ROBO2: variants seen among roughly 807,000 people sequenced by gnomAD.
ROBO2 encodes the protein roundabout homolog 2.
ROBO2 carries 53 observed loss-of-function variants against 160.8 expected under a neutral mutation model. The ratio of observed to expected loss-of-function variants is 0.33; its 90% CI spans 0.26 to 0.41. ROBO2 has a LOEUF of 0.41. Ranked by LOEUF, ROBO2 falls within the 10% of genes least tolerant of loss-of-function variation. The pLI is 1.00. For missense variants in ROBO2, 1,577 were observed against 1,722.4 expected (o/e 0.92, Z 1.49); for synonymous variants, 664 against 611.7 (o/e 1.09, Z -1.26).
intron 5 of ROBO2, among the ~76,000 whole-genome samples, chr3:77,493,967 T>G (rs1323173779): frequency 6.6e-6 from 1 of 152,150 alleles, no homozygotes; most frequent in Non-Finnish European, 1.5e-5. Flanking sequence ...CATCTCCTTC[T>G]TATTGTTCTT....
At chr3:77,441,421 C>T in intron 2 of ROBO2, among the ~76,000 whole-genome samples, 1 of 151,592 alleles carries the variant, frequency 6.6e-6, no homozygotes, top group South Asian at 2.1e-4. Context: ...TTAAAATATT[C>T]ATAAAATAAT....
At chr3:76,142,720 G>T (rs1329089015) in intron 2 of ROBO2, among the ~76,000 whole-genome samples, 1 of 151,898 alleles carries the variant, frequency 6.6e-6, no homozygotes, top group African/African-American at 2.4e-5. Flanking sequence ...TAGAAAGCAT[G>T]AATAAGACCT....
At position 76,138,730 on chromosome 3, in the gene ROBO2, A is replaced by G. The variant is rs534098396; in HGVS notation, c.109+201128A>G. ...TTATTTGTAGTATTACAGTGAAATC[A>G]TGTAAGAACTTTGACAGCTCATCCT... On this transcript the variant is annotated intron_variant, in intron 2 of 26. Transcript: ENST00000487694. 1.2e-4 allele frequency among the ~76,000 whole-genome samples: 18 copies of G among 152,230 alleles called. 1 individual carries two copies. The highest frequency in any genetic ancestry group is 4.3e-4 in the African/African-American group (18 of 41,570).
At chr3:77,572,731 T>C (rs1033329661) in intron 13 of ROBO2, among the ~76,000 whole-genome samples, 1 of 151,964 alleles carries the variant, frequency 6.6e-6, no homozygotes, top group Non-Finnish European at 1.5e-5. Context: ...TTCCACTGTA[T>C]TTTTATTGAG....
At position 76,286,455 on chromosome 3, in the gene ROBO2, T is replaced by A. The variant is rs113699186; in HGVS notation, c.109+348853T>A. Among the ~76,000 whole-genome samples the A allele has an allele frequency of 3.1e-4, 47 of 152,272 alleles. 1 individual carries two copies. Among genetic ancestry groups the A allele is most frequent in the African/African-American group, 8.4e-4 (35 of 41,576 alleles). On this transcript the variant is annotated intron_variant, in intron 2 of 26. Transcript: ENST00000487694. ...TCCTATCAATTGTGTAGAAGATGCATAATCATTGAAGAATGATAAAAAAAG... is the reference window on the plus strand; with the variant it reads ...TCCTATCAATTGTGTAGAAGATGCAAAATCATTGAAGAATGATAAAAAAAG...
intron 2 of ROBO2, among the ~76,000 whole-genome samples, chr3:75,992,669 C>T (rs2065607813): frequency 6.6e-6 from 1 of 152,180 alleles, no homozygotes; most frequent in South Asian, 2.1e-4. Context: ...TCCTCCAGAA[C>T]TCAGAATGGT....
chr3:76,886,630 A>G (rs76302689), intron 2 of ROBO2, among the ~76,000 whole-genome samples: 1,886 of 152,170 alleles, frequency 0.012, 27 homozygotes, highest in Non-Finnish European at 0.019. Flanking sequence ...AAGCAAATAG[A>G]AGTTGGCAAG....
intron 2 of ROBO2, among the ~76,000 whole-genome samples, chr3:76,031,027 T>C (rs1410801626): frequency 6.6e-6 from 1 of 152,200 alleles, no homozygotes; most frequent in East Asian, 1.9e-4. Context: ...TTTGTTTGTG[T>C]CCTCTTTTAT....
intron 2 of ROBO2, among the ~76,000 whole-genome samples, chr3:76,466,955 T>C (rs1357139501): frequency 6.6e-6 from 1 of 152,056 alleles, no homozygotes; most frequent in Non-Finnish European, 1.5e-5. Flanking sequence ...CATGCTGACA[T>C]GTCATGATGA....
chr3:75,917,931 T>C (rs1329606720), intron 1 of ROBO2, among the ~76,000 whole-genome samples: 1 of 152,196 alleles, frequency 6.6e-6, no homozygotes, highest in African/African-American at 2.4e-5. Context: ...TTCTGGATAT[T>C]AGACCTTTGT....
chr3:76,212,600 CATTT>C (rs1469484288), intron 2 of ROBO2, among the ~76,000 whole-genome samples: 2 of 152,046 alleles, frequency 1.3e-5, no homozygotes, highest in Admixed American at 6.6e-5. Flanking sequence ...AAAATAGTGT[CATTT>C]ATTATGCAAT....
intron 3 of ROBO2, 115 bp downstream of exon 3, chr3:77,477,686 C>A: frequency 1.9e-6 from 2 of 1,076,432 alleles, no homozygotes; most frequent in Non-Finnish European, 1.4e-6. Flanking sequence ...ATGTTAATTA[C>A]AATTTATACT....
chr3:77,174,003 T>G (rs2079889057), intron 2 of ROBO2, among the ~76,000 whole-genome samples: 1 of 152,098 alleles, frequency 6.6e-6, no homozygotes, highest in Non-Finnish European at 1.5e-5. Flanking sequence ...TTTCATTTCT[T>G]GACCCCAACG....
intron 2 of ROBO2, among the ~76,000 whole-genome samples, chr3:76,326,843 C>T (rs1429917981): frequency 7.1e-6 from 1 of 140,414 alleles, no homozygotes; most frequent in Non-Finnish European, 1.5e-5. Context: ...TTGTTCAATT[C>T]CCACCTATGA....
chr3:76,745,471 T>G (rs1205450397), intron 2 of ROBO2, among the ~76,000 whole-genome samples: 1 of 152,114 alleles, frequency 6.6e-6, no homozygotes, highest in Non-Finnish European at 1.5e-5. Context: ...TCATTCCAGT[T>G]TTTTCTTCCC....
chr3:75,923,213 T>C (rs1947143042), intron 1 of ROBO2, among the ~76,000 whole-genome samples: 2 of 152,230 alleles, frequency 1.3e-5, no homozygotes, highest in South Asian at 4.1e-4. Flanking sequence ...CTTAAATGTT[T>C]TGTTGTTTAA....
chr3:76,087,568 A>G (rs552051015), intron 2 of ROBO2, among the ~76,000 whole-genome samples: 36 of 152,238 alleles, frequency 2.4e-4, no homozygotes, highest in African/African-American at 8.4e-4. Flanking sequence ...ACAAAGTCAT[A>G]TCTACATAAA....
chr3:76,027,702 A>G (rs2066789161), intron 2 of ROBO2, among the ~76,000 whole-genome samples: 4 of 151,974 alleles, frequency 2.6e-5, no homozygotes, highest in Admixed American at 2.6e-4. Flanking sequence ...AGAGATTTAA[A>G]TATTATTCCA....
intron 2 of ROBO2, among the ~76,000 whole-genome samples, chr3:76,907,825 T>C (rs75296436): frequency 5.1e-4 from 51 of 100,830 alleles, no homozygotes; most frequent in African/African-American, 1.5e-3. Context: ...TTGTTTGGGG[T>C]GTGTGTGTGT....
Sources: allele counts gnomAD v4.1 joint callset (sites outside exome capture counted in the v4.1 genomes callset), GRCh38; gene constraint gnomAD v4.1.1; transcripts MANE v1.5; gene names NCBI Gene and HGNC (gene_info 2026-07-23, HGNC 2026-07-21).